LOC400499: variants seen among roughly 807,000 people sequenced by gnomAD.
At chr16:11,379,963 A>G in the LOC400499 span, among the ~76,000 whole-genome samples, 5 of 152,170 alleles carry the variant, frequency 3.3e-5, no homozygotes, top group South Asian at 6.2e-4. Context: ...ATCACAAAGT[A>G]TATCTATTTT....
the LOC400499 span, among the ~76,000 whole-genome samples, chr16:11,504,674 G>C: frequency 6.6e-6 from 1 of 152,086 alleles, no homozygotes; most frequent in African/African-American, 2.4e-5. Flanking sequence ...TGTAATGCCA[G>C]CACTTTGGGA....
chr16:11,525,980 C>T, the LOC400499 span, among the ~76,000 whole-genome samples: 1 of 152,140 alleles, frequency 6.6e-6, no homozygotes, highest in Non-Finnish European at 1.5e-5. Context: ...CATCTCTAGC[C>T]AGCAAATGAA....
chr16:11,450,470 C>G, the LOC400499 span: 19 of 745,488 alleles, frequency 2.5e-5, no homozygotes, highest in African/African-American at 3.2e-4. Flanking sequence ...CTGATAGTTG[C>G]AGGCACTGGG....
the LOC400499 span, among the ~76,000 whole-genome samples, chr16:11,379,473 C>CTCTA: frequency 1.3e-5 from 2 of 152,248 alleles, no homozygotes; most frequent in African/African-American, 2.4e-5. Context: ...GCTACTCCTT[C>CTCTA]TCTATCTTAT....
chr16:11,448,772 AAG>A, the LOC400499 span: 21 of 493,704 alleles, frequency 4.3e-5, no homozygotes, highest in South Asian at 1.3e-3. Flanking sequence ...AGGAAAGAGA[AAG>A]AGAAATAGAG....
the LOC400499 span, chr16:11,391,720 GA>G: frequency 8.1e-7 from 1 of 1,232,294 alleles, no homozygotes; most frequent in Non-Finnish European, 1.0e-6. Context: ...TCCAGGTAAA[GA>G]GGCAGGTGCT....
the LOC400499 span, among the ~76,000 whole-genome samples, chr16:11,430,270 G>A: frequency 6.6e-6 from 1 of 152,274 alleles, no homozygotes; most frequent in African/African-American, 2.4e-5. Context: ...TCGATCACTT[G>A]AGGCCAGGAG....
At chr16:11,425,541 G>A in the LOC400499 span, 1 of 397,906 alleles carries the variant, frequency 2.5e-6, no homozygotes, top group Non-Finnish European at 4.4e-6. Context: ...GATTCATGAT[G>A]TCGCACTTGT....
the LOC400499 span, among the ~76,000 whole-genome samples, chr16:11,437,683 C>A: frequency 4.6e-5 from 7 of 152,164 alleles, no homozygotes; most frequent in African/African-American, 1.7e-4. Flanking sequence ...GCCTGGCCAA[C>A]GTAGTGAAAT....
the LOC400499 span, chr16:11,491,709 G>C: frequency 2.5e-6 from 1 of 398,070 alleles, no homozygotes; most frequent in Non-Finnish European, 4.4e-6. Flanking sequence ...ACCCTGGGTG[G>C]AGAGCTCGCC....
At chr16:11,406,571 T>C in the LOC400499 span, among the ~76,000 whole-genome samples, 3 of 152,244 alleles carry the variant, frequency 2.0e-5, no homozygotes, top group African/African-American at 7.2e-5. Flanking sequence ...TAGCTGGGAT[T>C]ATAGGCATGT....
chr16:11,505,196 G>A, the LOC400499 span, among the ~76,000 whole-genome samples: 2 of 151,640 alleles, frequency 1.3e-5, no homozygotes, highest in African/African-American at 4.8e-5. Context: ...GATCGTCATG[G>A]TGTAAATATA....
At chr16:11,486,382 T>C in the LOC400499 span, among the ~76,000 whole-genome samples, 32 of 88,078 alleles carry the variant, frequency 3.6e-4, 3 homozygotes, top group East Asian at 0.013. Context: ...TGGGTGGGTG[T>C]GTGGTTTGGT....
At chr16:11,384,189 G>A in the LOC400499 span, 49 of 1,221,962 alleles carry the variant, frequency 4.0e-5, no homozygotes, top group Non-Finnish European at 5.0e-5. Context: ...TCAGCTGGAA[G>A]CAGGACAGGC....
the LOC400499 span, among the ~76,000 whole-genome samples, chr16:11,496,495 T>C: frequency 5.9e-5 from 9 of 152,206 alleles, no homozygotes; most frequent in Non-Finnish European, 5.9e-5. Context: ...GTGTGTGCTG[T>C]AGAATCCTAG....
the LOC400499 span, chr16:11,500,889 G>T: frequency 7.5e-6 from 3 of 399,036 alleles, no homozygotes; most frequent in African/African-American, 6.2e-5. Context: ...TGCCTCCACC[G>T]CGGCTGATGC....
chr16:11,387,516 A>C, the LOC400499 span, among the ~76,000 whole-genome samples: 1 of 152,166 alleles, frequency 6.6e-6, no homozygotes. Flanking sequence ...TGGGGACAGA[A>C]ACAAGCTGCC....
At chr16:11,429,146 G>A in the LOC400499 span, among the ~76,000 whole-genome samples, 1 of 152,204 alleles carries the variant, frequency 6.6e-6, no homozygotes, top group African/African-American at 2.4e-5. Flanking sequence ...AGCGTCAGGG[G>A]TGGGGCCTGG....
the LOC400499 span, among the ~76,000 whole-genome samples, chr16:11,458,233 G>A: frequency 1.3e-5 from 2 of 152,142 alleles, no homozygotes; most frequent in African/African-American, 4.8e-5. Context: ...GTAATCCCAG[G>A]TACTCAGGAG....
Sources: gnomAD v4.1 joint callset for allele counts (sites outside exome capture counted in the v4.1 genomes callset) on GRCh38, gnomAD v4.1.1 for gene constraint, MANE v1.5 for transcripts.